Variants in OTUD7A observed in about 807,000 individuals in gnomAD.
The protein encoded by OTUD7A is OTU deubiquitinase 7A, also known as OTU domain-containing protein 7A.
In OTUD7A, 12 loss-of-function variants were observed where a neutral mutation model predicts 65.7. The ratio of observed to expected loss-of-function variants is 0.18; its 90% CI spans 0.12 to 0.30. The LOEUF is 0.30. Among genes scored for constraint, OTUD7A ranks in the 10% least tolerant of loss-of-function variants. The pLI is 1.00. For missense variants in OTUD7A, 1,148 were observed against 1,304.8 expected (o/e 0.88, Z 1.85); for synonymous variants, 641 against 586.3 (o/e 1.09, Z -1.35).
intron 10 of OTUD7A, among the ~76,000 whole-genome samples, chr15:31,494,390 G>T (rs2041356553): frequency 6.6e-6 from 1 of 152,078 alleles, no homozygotes; most frequent in Admixed American, 6.5e-5. Context: ...ACCCTTACCA[G>T]ACTCCAAATC....
chr15:31,621,730 C>T (rs527377238), intron 3 of OTUD7A, among the ~76,000 whole-genome samples: 1 of 151,496 alleles, frequency 6.6e-6, no homozygotes, highest in African/African-American at 2.4e-5. Flanking sequence ...ATTTGCCAGT[C>T]CGTGTCTTTT....
chr15:31,862,344 T>G (rs148843386), intron 1 of OTUD7A, among the ~76,000 whole-genome samples: 332 of 152,350 alleles, frequency 2.2e-3, no homozygotes, highest in Middle Eastern at 0.01. Context: ...GGGAGTTCAC[T>G]ATCTACTCTG....
chr15:31,584,699 T>C (rs1889475758), intron 3 of OTUD7A, among the ~76,000 whole-genome samples: 2 of 152,190 alleles, frequency 1.3e-5, no homozygotes, highest in Non-Finnish European at 2.9e-5. Flanking sequence ...CAGCAACTAA[T>C]GCTGAGCTCT....
At chr15:31,622,370 G>A (rs894211238) in intron 3 of OTUD7A, among the ~76,000 whole-genome samples, 1 of 152,156 alleles carries the variant, frequency 6.6e-6, no homozygotes, top group Non-Finnish European at 1.5e-5. Context: ...TTCCAACTTG[G>A]TTCCATTCGC....
At chr15:31,535,554 A>G (rs1887766697) in intron 5 of OTUD7A, among the ~76,000 whole-genome samples, 1 of 152,188 alleles carries the variant, frequency 6.6e-6, no homozygotes. Flanking sequence ...AAATGAAAAC[A>G]TAAGACTCAT....
chr15:31,862,049 T>C (rs1232009961), intron 1 of OTUD7A, among the ~76,000 whole-genome samples: 1 of 152,132 alleles, frequency 6.6e-6, no homozygotes, highest in Non-Finnish European at 1.5e-5. Flanking sequence ...CCTGGTGTCA[T>C]GCCTCCCCCA....
At chr15:31,620,523 C>A (rs1387440125) in intron 3 of OTUD7A, among the ~76,000 whole-genome samples, 1 of 151,198 alleles carries the variant, frequency 6.6e-6, no homozygotes, top group African/African-American at 2.5e-5. Flanking sequence ...GGAATTTATC[C>A]ATTTCTTCTA....
intron 3 of OTUD7A, among the ~76,000 whole-genome samples, chr15:31,589,281 T>C (rs1480256060): frequency 1.3e-5 from 2 of 149,468 alleles, no homozygotes; most frequent in African/African-American, 5.0e-5. Flanking sequence ...GTGACTTTTA[T>C]TTTCTCATTT....
In OTUD7A at chr15:31,483,985, C is replaced by G. The variant is rs769850638; in HGVS notation, c.2111G>C (p.Arg704Thr). The G allele has an allele frequency of 2.6e-6, 3 of 1,137,490 alleles. No individual in the cohort carries two copies. The highest frequency in any genetic ancestry group is 3.2e-6 in the Non-Finnish European group (3 of 927,066). The allele number at this position is 1,137,490 out of a possible 1,614,324, so 70.5% of individuals were successfully genotyped here. Residue 704 changes from arginine (R) to threonine (T), a missense_variant, in exon 13 of 13, where the codon AGA becomes ACA. This residue lies in a region of OTUD7A where 842 missense variants were observed against 769.5 expected (regional missense o/e 1.09). Transcript: ENST00000307050. ...GACCGGCACGCCCTCCGTCTCCGGT[C>G]TGCGCGGCGGCCGCTTGGCCGTGGC... The part of the protein sequence containing the change: ...AAATAKRPPR[R>T]PETEGVPVPE...
intron 1 of OTUD7A, among the ~76,000 whole-genome samples, chr15:31,718,702 A>G (rs1279607939): frequency 8.2e-6 from 1 of 122,214 alleles, no homozygotes; most frequent in Non-Finnish European, 2.0e-5. Flanking sequence ...GCCCACTTAG[A>G]AGCTTTCCCC....
At chr15:31,807,956 G>C (rs1896313490) in intron 1 of OTUD7A, among the ~76,000 whole-genome samples, 1 of 152,050 alleles carries the variant, frequency 6.6e-6, no homozygotes, top group African/African-American at 2.4e-5. Flanking sequence ...AAGCTTCCCT[G>C]CTGCTGATAG....
chr15:31,826,666 T>C (rs1302969993), intron 1 of OTUD7A, among the ~76,000 whole-genome samples: 5 of 152,246 alleles, frequency 3.3e-5, no homozygotes, highest in Non-Finnish European at 4.4e-5. Flanking sequence ...TTCTTTTCTA[T>C]CACACTGTCA....
chr15:31,503,878 G>C lies in OTUD7A; in HGVS notation c.894-60C>G. ...TAAAACAGGGTGGAGGATGGAGAAA[G>C]TGGGGACTGCTTCATGCAGGGGCTG... On this transcript the variant is annotated intron_variant, in intron 8 of 12. Coordinates refer to ENST00000307050, the MANE Select transcript of OTUD7A (RefSeq NM_001382637.1). 2 of 1,598,322 alleles carry C rather than the reference G, an allele frequency of 1.3e-6. 1 individual carries two copies. The highest frequency in any genetic ancestry group is 2.2e-5 in the South Asian group (2 of 90,604).
rs200325560 is a variant in OTUD7A, at chr15:31,841,814, T to A, written c.-100+28693A>T. Among the ~76,000 whole-genome samples, 10 of 151,960 alleles carry A rather than the reference T, an allele frequency of 6.6e-5. No individual in the cohort carries two copies. The East Asian group carries it at 1.9e-3, about 29-fold the overall frequency. ...TCTAGCTTCTACCTGCTGGAAAGAG[T>A]ATTTTTGGAGAGATGGAATATGTCC... On this transcript the variant is annotated intron_variant, in intron 1 of 12. Coordinates refer to ENST00000307050, the MANE Select transcript of OTUD7A (RefSeq NM_001382637.1).
At position 31,708,175 on chromosome 15, in the gene OTUD7A, A is replaced by G. The variant is rs934600080; in HGVS notation, c.-99-51098T>C. Among the ~76,000 whole-genome samples the G allele has an allele frequency of 2.0e-5, 3 of 151,868 alleles. 1 individual carries two copies. The highest frequency in any genetic ancestry group is 4.4e-5 in the Non-Finnish European group (3 of 67,926). The stretch of plus-strand genomic sequence containing the variant: ...AAGCAAATGTGAGATGACACAAGAC[A>G]CTTTTGCTTTTTAATCTAATGAGAC... On this transcript the variant is annotated intron_variant, in intron 1 of 12. Transcript: ENST00000307050.
chr15:31,696,805 C>G (rs1426635636), intron 1 of OTUD7A, among the ~76,000 whole-genome samples: 2 of 151,366 alleles, frequency 1.3e-5, no homozygotes, highest in African/African-American at 2.4e-5. Flanking sequence ...GTGTCTGCAG[C>G]CTTTCAGGGC....
intron 1 of OTUD7A, among the ~76,000 whole-genome samples, chr15:31,781,232 A>T (rs900369736): frequency 1.3e-5 from 2 of 152,190 alleles, no homozygotes; most frequent in African/African-American, 4.8e-5. Flanking sequence ...TCACTAGAAC[A>T]TGTACACTTG....
Position 31,511,012 on chromosome 15 carries a change from AACAT to A in OTUD7A, c.894-7198_894-7195del, listed in dbSNP as rs1335931811. On this transcript the variant is annotated intron_variant, in intron 8 of 12. Transcript: ENST00000307050. ...ATGTAACATATGTATATCTATATGT[AACAT>A]ACATGTATATCTATATGTAACATAC... Among the ~76,000 whole-genome samples the A allele has an allele frequency of 4.5e-5, 2 of 44,602 alleles. 1 individual carries two copies. The highest frequency in any genetic ancestry group is 3.8e-4 in the African/African-American group (2 of 5,294). 29.3% of individuals were successfully genotyped at this position (44,602 alleles called of 152,430 possible).
rs1892672114 is a variant in OTUD7A at position 31,679,775 on chromosome 15, A to T, written c.-99-22698T>A. On this transcript the variant is annotated intron_variant, in intron 1 of 12. Transcript: ENST00000307050. ...TGGGCAGCTCTTTATTGCAGTGTGA[A>T]AACAGACTAATACACCATCAAAATA... 2.6e-5 allele frequency among the ~76,000 whole-genome samples: 4 copies of T among 152,326 alleles called. No individual in the cohort carries two copies. The South Asian group carries it at 8.3e-4, about 32-fold the overall frequency.
Sources: allele counts gnomAD v4.1 joint callset (sites outside exome capture counted in the v4.1 genomes callset), GRCh38; gene constraint gnomAD v4.1.1; regional missense constraint gnomAD v4.1.1; transcripts MANE v1.5; gene names NCBI Gene and HGNC (gene_info 2026-07-23, HGNC 2026-07-21).